The following SGMS2 variants were observed in gnomAD, a reference collection of about 807,000 sequenced individuals.
The protein encoded by SGMS2 is sphingomyelin synthase 2.
SGMS2 carries 21 observed loss-of-function variants against 43.8 expected under a neutral mutation model. That is an observed-to-expected ratio of 0.48 (90% confidence interval 0.34 to 0.69). SGMS2 has a LOEUF of 0.69. SGMS2 is among the 30% of genes least tolerant of loss of function. The probability of loss-of-function intolerance (pLI) is 0.01; values close to 1 mark genes in which losing one functional copy is unlikely to be tolerated. For synonymous variants in SGMS2, 167 were observed against 160.6 expected, an observed-to-expected ratio of 1.04 and a Z score of -0.30; for missense variants, 384 against 443.2, an observed-to-expected ratio of 0.87 and a Z score of 1.20.
At chr4:107,858,893 C>T (rs1009972493) in intron 2 of SGMS2, among the ~76,000 whole-genome samples, 2 of 152,236 alleles carry the variant, frequency 1.3e-5, no homozygotes, top group South Asian at 4.1e-4. Flanking sequence ...ACTCAATTAA[C>T]TGTCTCAACC....
intron 1 of SGMS2, among the ~76,000 whole-genome samples, chr4:107,855,530 A>G (rs1400025612): frequency 6.6e-6 from 1 of 152,010 alleles, no homozygotes; most frequent in Non-Finnish European, 1.5e-5. Context: ...GTTTTATTCC[A>G]TTGGATTCAG....
At chr4:107,885,238 T>TA (rs58323717) in intron 2 of SGMS2, among the ~76,000 whole-genome samples, 3 of 151,098 alleles carry the variant, frequency 2.0e-5, no homozygotes, top group African/African-American at 7.3e-5. Context: ...TTTTTTTTTT[T>TA]AACTAAGCAT....
chr4:107,896,269 G>A (rs558369587), intron 3 of SGMS2, among the ~76,000 whole-genome samples: 1 of 152,302 alleles, frequency 6.6e-6, no homozygotes, highest in Admixed American at 6.5e-5. Flanking sequence ...AATTTAAGGT[G>A]CAGTTCCTGA....
In SGMS2 at chr4:107,901,961, C is replaced by A. The variant is rs145233490; in HGVS notation, c.574-1272C>A. 1.3e-3 allele frequency among the ~76,000 whole-genome samples: 203 copies of A among 151,368 alleles called. 1 individual carries two copies. In the East Asian group the frequency reaches 0.033, roughly 25 times the overall value. On this transcript the variant is annotated intron_variant, in intron 4 of 6. Coordinates refer to ENST00000690982, the MANE Select transcript of SGMS2 (RefSeq NM_001375905.1). Reference sequence around the variant, plus strand: ...TGCTCTTATTGCCCAGGCTAGAGTGCAATGGCGCAATCTTGGCTCACCGCA... The same window carrying A: ...TGCTCTTATTGCCCAGGCTAGAGTGAAATGGCGCAATCTTGGCTCACCGCA...
intron 1 of SGMS2, among the ~76,000 whole-genome samples, chr4:107,848,360 G>C (rs1415188222): frequency 6.6e-6 from 1 of 152,188 alleles, no homozygotes; most frequent in Admixed American, 6.6e-5. Context: ...AGGCAATTAT[G>C]AATAAAGTTG....
intron 2 of SGMS2, among the ~76,000 whole-genome samples, chr4:107,865,943 A>G (rs556682660): frequency 6.8e-4 from 104 of 152,346 alleles, no homozygotes; most frequent in African/African-American, 2.4e-3. Flanking sequence ...TAAAAGTATA[A>G]GATCAACCAT....
chr4:107,888,754 A>G (rs1729963865), intron 2 of SGMS2, among the ~76,000 whole-genome samples: 1 of 152,162 alleles, frequency 6.6e-6, no homozygotes, highest in Admixed American at 6.6e-5. Flanking sequence ...TTTAAGAAAG[A>G]ATGTTTTCCT....
Position 107,911,793 on chromosome 4 carries a change from T to A in SGMS2, c.*1240T>A, listed in dbSNP as rs1732144966. On this transcript the variant is annotated 3_prime_UTR_variant, in exon 7 of 7. Coordinates refer to ENST00000690982, the MANE Select transcript of SGMS2 (RefSeq NM_001375905.1). ...TAACTGTTTCTAAATTTCTTTAAGGTGATGCCAAAAAATGGATTAAAAAAT... is the reference window on the plus strand; with the variant it reads ...TAACTGTTTCTAAATTTCTTTAAGGAGATGCCAAAAAATGGATTAAAAAAT... 1 of 151,256 alleles carries A rather than the reference T, an allele frequency of 6.6e-6. No individual in the cohort carries two copies. Among genetic ancestry groups the A allele is most frequent in the Non-Finnish European group, 1.5e-5 (1 of 67,444 alleles). The allele number at this position is 151,256 out of a possible 1,614,324, so 9.4% of individuals were successfully genotyped here. A position where few individuals can be genotyped will look rare whatever the true frequency, so the allele number is the denominator to read the frequency against.
At chr4:107,860,712 A>G (rs552534021) in intron 2 of SGMS2, among the ~76,000 whole-genome samples, 1 of 152,160 alleles carries the variant, frequency 6.6e-6, no homozygotes, top group African/African-American at 2.4e-5. Flanking sequence ...TTTAGTAGAG[A>G]TGGGGTTTCG....
chr4:107,838,634 C>T (rs186450749), intron 1 of SGMS2, among the ~76,000 whole-genome samples: 208 of 152,212 alleles, frequency 1.4e-3, no homozygotes, highest in Non-Finnish European at 2.1e-3. Flanking sequence ...TTTGTCACTC[C>T]ACTACTATAT....
intron 2 of SGMS2, among the ~76,000 whole-genome samples, chr4:107,863,247 C>G (rs1727869838): frequency 2.0e-5 from 3 of 152,208 alleles, no homozygotes; most frequent in Admixed American, 2.0e-4. Context: ...CGTTCAAATT[C>G]TACCTCTGTC....
intron 1 of SGMS2, among the ~76,000 whole-genome samples, chr4:107,836,315 T>G (rs762632562): frequency 1.3e-5 from 2 of 152,186 alleles, no homozygotes; most frequent in Non-Finnish European, 2.9e-5. Flanking sequence ...ATCCAATGAC[T>G]TTGGCATATT....
upstream of SGMS2, chr4:107,824,568 G>A (rs1008660531): frequency 2.0e-5 from 3 of 152,226 alleles, no homozygotes; most frequent in Non-Finnish European, 2.9e-5. Flanking sequence ...TTCCCAGATT[G>A]ATCTCTGTTG....
At chr4:107,866,765 C>G (rs1728161009) in intron 2 of SGMS2, 1 of 151,948 alleles carries the variant, frequency 6.6e-6, no homozygotes, top group East Asian at 1.9e-4. Flanking sequence ...TTTAAACTTT[C>G]TTTGGTGAGG....
At chr4:107,896,087 CT>C (rs1325640857) in intron 3 of SGMS2, 79 bp downstream of exon 3, 89 of 1,321,324 alleles carry the variant, frequency 6.7e-5, no homozygotes, top group Non-Finnish European at 8.6e-5. Context: ...ATTATTTTTC[CT>C]TTTTTTCCCC....
At chr4:107,881,322 T>A (rs1729328689) in intron 2 of SGMS2, among the ~76,000 whole-genome samples, 1 of 152,162 alleles carries the variant, frequency 6.6e-6, no homozygotes, top group East Asian at 1.9e-4. Context: ...ATTGTTGATC[T>A]TTTCATATGG....
At chr4:107,882,873 T>G (rs1414826244) in intron 2 of SGMS2, among the ~76,000 whole-genome samples, 1 of 152,202 alleles carries the variant, frequency 6.6e-6, no homozygotes, top group African/African-American at 2.4e-5. Flanking sequence ...TTAAGTTCAA[T>G]GTATAAACAT....
At position 107,836,496 on chromosome 4, in the gene SGMS2, A is replaced by G. The variant is rs1726184851; in HGVS notation, c.-327+11243A>G. The stretch of plus-strand genomic sequence containing the variant: ...AATGCCATAAAATGTGCCTGGGCCT[A>G]TAAATGAAATGTTTAGATTATTTGA... On this transcript the variant is annotated intron_variant, in intron 1 of 6. Transcript: ENST00000690982. 4.6e-5 allele frequency among the ~76,000 whole-genome samples: 7 copies of G among 152,212 alleles called. No homozygotes were observed. In the South Asian group the frequency reaches 1.2e-3, roughly 27 times the overall value.
In SGMS2 at chr4:107,911,560, C is replaced by T. The variant is rs987710130; in HGVS notation, c.*1007C>T. On this transcript the variant is annotated 3_prime_UTR_variant, in exon 7 of 7. Coordinates refer to ENST00000690982, the MANE Select transcript of SGMS2 (RefSeq NM_001375905.1). ...CATTGAAGGTGATTTCTTCCTTTTT[C>T]TGTTGTACTTTATGGAAAAACCAAG... 6.6e-6 allele frequency: 1 copy of T among 152,172 alleles called. No homozygotes were observed. Among genetic ancestry groups the T allele is most frequent in the Non-Finnish European group, 1.5e-5 (1 of 68,024 alleles). 9.4% of individuals were successfully genotyped at this position (152,172 alleles called of 1,614,324 possible). A position where few individuals can be genotyped will look rare whatever the true frequency, so the allele number is the denominator to read the frequency against.
Sources: gnomAD v4.1 joint callset for allele counts (sites outside exome capture counted in the v4.1 genomes callset) on GRCh38, gnomAD v4.1.1 for gene constraint, MANE v1.5 for transcripts, NCBI Gene and HGNC (gene_info 2026-07-23, HGNC 2026-07-21) for gene names.